ATP9B: variants seen among roughly 807,000 people sequenced by gnomAD.
The protein encoded by ATP9B is probable phospholipid-transporting ATPase IIB.
ATP9B carries 110 observed loss-of-function variants against 146.1 expected under a neutral mutation model. The observed-to-expected ratio is 0.75, with a 90% CI of 0.65 to 0.88. The LOEUF is 0.88. Ranked by LOEUF, ATP9B falls within the 40% of genes least tolerant of loss-of-function variation. The probability of loss-of-function intolerance (pLI) is 0.00; values close to 1 mark genes in which losing one functional copy is unlikely to be tolerated. For missense variants in ATP9B, 1,499 were observed against 1,496.4 expected, an observed-to-expected ratio of 1.00 and a Z score of -0.03; for synonymous variants, 604 against 569.7, an observed-to-expected ratio of 1.06 and a Z score of -0.86.
chr18:79,242,322 A>G (rs528783879), intron 11 of ATP9B, among the ~76,000 whole-genome samples: 7 of 152,294 alleles, frequency 4.6e-5, no homozygotes, highest in East Asian at 1.9e-4. Flanking sequence ...TTTTACTTGT[A>G]ATTTAGAGAA....
At chr18:79,108,607 G>C (rs1161911188) in intron 2 of ATP9B, among the ~76,000 whole-genome samples, 2 of 152,156 alleles carry the variant, frequency 1.3e-5, no homozygotes, top group Non-Finnish European at 2.9e-5. Context: ...AGGGTGGGGG[G>C]AGCTGGCTTG....
intron 13 of ATP9B, among the ~76,000 whole-genome samples, chr18:79,298,209 A>G (rs1383473778): frequency 6.8e-6 from 1 of 146,912 alleles, no homozygotes; most frequent in African/African-American, 2.5e-5. Context: ...ATAATTATCT[A>G]CCTAGAAAAT....
intron 11 of ATP9B, among the ~76,000 whole-genome samples, chr18:79,244,136 C>G (rs528197863): frequency 2.0e-5 from 3 of 152,084 alleles, no homozygotes; most frequent in Non-Finnish European, 2.9e-5. Context: ...CACTACCCCC[C>G]CTCCGCCCCC....
chr18:79,133,537 T>A (rs543421130), intron 5 of ATP9B, among the ~76,000 whole-genome samples: 7 of 140,604 alleles, frequency 5.0e-5, no homozygotes, highest in African/African-American at 1.7e-4. Flanking sequence ...ACACACACAC[T>A]CACTCTCAAG....
chr18:79,195,174 G>A (rs1432309069), intron 9 of ATP9B, among the ~76,000 whole-genome samples: 4 of 152,080 alleles, frequency 2.6e-5, no homozygotes, highest in Non-Finnish European at 5.9e-5. Context: ...AGGGACTCTT[G>A]GACTAAGAAA....
intron 1 of ATP9B, among the ~76,000 whole-genome samples, chr18:79,091,521 TATTTA>T (rs1360740522): frequency 6.6e-6 from 1 of 152,202 alleles, no homozygotes; most frequent in African/African-American, 2.4e-5. Context: ...AATTCCTAGG[TATTTA>T]ATTTTATGTG....
At chr18:79,303,544 G>C in intron 13 of ATP9B, 60 bp from the exon 14 acceptor site, 2 of 1,389,604 alleles carry the variant, frequency 1.4e-6, no homozygotes, top group Non-Finnish European at 2.0e-6. Flanking sequence ...TGGTAGGAAA[G>C]CTGGGTGTTC....
At chr18:79,304,086 G>C (rs1051324758) in intron 14 of ATP9B, among the ~76,000 whole-genome samples, 2 of 151,654 alleles carry the variant, frequency 1.3e-5, no homozygotes, top group Non-Finnish European at 1.5e-5. Flanking sequence ...ATTTTTAAAG[G>C]TAAATTCTTT....
intron 25 of ATP9B, among the ~76,000 whole-genome samples, chr18:79,355,747 C>A (rs1216569406): frequency 6.6e-6 from 1 of 152,116 alleles, no homozygotes; most frequent in Non-Finnish European, 1.5e-5. Flanking sequence ...CCAGATTTGG[C>A]AAAAGACATA....
chr18:79,335,101 C>T (rs879782000), intron 17 of ATP9B, among the ~76,000 whole-genome samples: 3 of 148,462 alleles, frequency 2.0e-5, no homozygotes, highest in Admixed American at 6.8e-5. Flanking sequence ...GCACAGAAAG[C>T]GCAGAGTTCC....
chr18:79,293,058 C>T lies in ATP9B; in HGVS notation c.1412-10546C>T, dbSNP rs139002833. 6.5e-3 allele frequency among the ~76,000 whole-genome samples: 979 copies of T among 151,538 alleles called. 5 individuals are homozygous for T. Among genetic ancestry groups the T allele is most frequent in the African/African-American group, 0.022 (914 of 41,214 alleles). On this transcript the variant is annotated intron_variant, in intron 13 of 29. Transcript: ENST00000426216. ...ATAAATAAATCCAAACACTTACGGTCATTGGGTTTTCAACAAGGATGCCAA... is the reference window on the plus strand; with the variant it reads ...ATAAATAAATCCAAACACTTACGGTTATTGGGTTTTCAACAAGGATGCCAA...
At chr18:79,329,976 C>T in intron 16 of ATP9B, 36 bp from the exon 17 acceptor site, 1 of 1,594,666 alleles carries the variant, frequency 6.3e-7, no homozygotes, top group Non-Finnish European at 8.6e-7. Context: ...GCAATGCAGC[C>T]TAAATGTGCC....
At chr18:79,201,734 T>A (rs2095490221) in intron 9 of ATP9B, among the ~76,000 whole-genome samples, 1 of 152,060 alleles carries the variant, frequency 6.6e-6, no homozygotes, top group African/African-American at 2.4e-5. Context: ...CAAGCCCAGC[T>A]AATTTTTGTA....
chr18:79,324,198 G>C (rs945468642), intron 15 of ATP9B, among the ~76,000 whole-genome samples: 8 of 152,012 alleles, frequency 5.3e-5, no homozygotes, highest in Admixed American at 6.5e-5. Flanking sequence ...GGTAGATTCT[G>C]CTTATTAATC....
chr18:79,363,661 C>T (rs887395388), intron 26 of ATP9B: 6 of 136,194 alleles, frequency 4.4e-5, no homozygotes, highest in South Asian at 2.4e-4. Flanking sequence ...TTCCTGGATT[C>T]GGAGGCATAA....
intron 12 of ATP9B, among the ~76,000 whole-genome samples, chr18:79,275,740 AG>A (rs1008824865): frequency 2.1e-4 from 32 of 152,346 alleles, no homozygotes; most frequent in African/African-American, 7.7e-4. Flanking sequence ...GTCATCTTGC[AG>A]GGGAGCTTTG....
At chr18:79,180,450 T>C (rs906710479) in intron 8 of ATP9B, among the ~76,000 whole-genome samples, 10 of 152,178 alleles carry the variant, frequency 6.6e-5, no homozygotes, top group Admixed American at 5.9e-4. Context: ...AGTGTAAGAG[T>C]TGTGCACAGT....
chr18:79,158,767 C>T (rs2094833915), intron 7 of ATP9B, among the ~76,000 whole-genome samples: 1 of 152,162 alleles, frequency 6.6e-6, no homozygotes, highest in South Asian at 2.1e-4. Context: ...TACTGGGTAT[C>T]CTTGAGAATA....
intron 7 of ATP9B, among the ~76,000 whole-genome samples, chr18:79,174,888 AC>A (rs2095137491): frequency 6.6e-6 from 1 of 152,128 alleles, no homozygotes; most frequent in African/African-American, 2.4e-5. Context: ...GGTGCTATCA[AC>A]TGATCTTCCC....
Sources: gnomAD v4.1 joint callset for allele counts (sites outside exome capture counted in the v4.1 genomes callset) on GRCh38, gnomAD v4.1.1 for gene constraint, MANE v1.5 for transcripts, NCBI Gene and HGNC (gene_info 2026-07-23, HGNC 2026-07-21) for gene names.